The following FCHO2 variants were observed in gnomAD, a reference collection of about 807,000 sequenced individuals.
FCHO2 encodes the protein F-BAR domain only protein 2.
In FCHO2, 43 loss-of-function variants were observed where a neutral mutation model predicts 114.1. The ratio of observed to expected loss-of-function variants is 0.38; its 90% CI spans 0.30 to 0.49. The LOEUF is 0.49. Ranked by LOEUF, FCHO2 falls within the 20% of genes least tolerant of loss-of-function variation. The probability of loss-of-function intolerance (pLI) is 0.97; values close to 1 mark genes in which losing one functional copy is unlikely to be tolerated. For synonymous variants in FCHO2, 293 were observed against 315.2 expected, an observed-to-expected ratio of 0.93 and a Z score of 0.75; for missense variants, 807 against 950.4, an observed-to-expected ratio of 0.85 and a Z score of 1.98.
In FCHO2 at chr5:72,964,416, C is replaced by T. The variant is rs116567978; in HGVS notation, c.34-4082C>T. ...TTTTATTTATTTAGAGACTGAGTTTCGCTGTATTGCTCAGGCTGGAGTGCA... is the reference window on the plus strand; with the variant it reads ...TTTTATTTATTTAGAGACTGAGTTTTGCTGTATTGCTCAGGCTGGAGTGCA... On this transcript the variant is annotated intron_variant, in intron 1 of 25. Transcript: ENST00000430046. Among the ~76,000 whole-genome samples, 684 of 152,190 alleles carry T rather than the reference C, an allele frequency of 4.5e-3. 3 individuals carry two copies. The highest frequency in any genetic ancestry group is 0.016 in the African/African-American group (650 of 41,528).
intron 22 of FCHO2, 78 bp from the exon 23 acceptor site, chr5:73,081,705 G>T (rs892235338): frequency 9.1e-7 from 1 of 1,097,418 alleles, no homozygotes; most frequent in Non-Finnish European, 1.2e-6. Flanking sequence ...GGACTTACAT[G>T]TTCAAGTGTC....
chr5:73,072,526 G>A (rs1179025894), intron 19 of FCHO2, among the ~76,000 whole-genome samples: 1 of 152,072 alleles, frequency 6.6e-6, no homozygotes, highest in Non-Finnish European at 1.5e-5. Flanking sequence ...TGGATGAATG[G>A]ATGAGCAAAA....
At chr5:72,956,197 C>T (rs1256134781) in intron 1 of FCHO2, 68 bp downstream of exon 1, 7 of 1,484,386 alleles carry the variant, frequency 4.7e-6, no homozygotes, top group Non-Finnish European at 6.3e-6. Context: ...GCTTGGCCTG[C>T]GTGCGCTTCG....
intron 17 of FCHO2, among the ~76,000 whole-genome samples, chr5:73,062,687 G>A (rs950963946): frequency 1.3e-5 from 2 of 151,860 alleles, no homozygotes; most frequent in African/African-American, 4.8e-5. Flanking sequence ...TCTTATTATG[G>A]TATGCTTTCT....
At chr5:73,086,666 T>G (rs933500458) in intron 24 of FCHO2, among the ~76,000 whole-genome samples, 2 of 152,264 alleles carry the variant, frequency 1.3e-5, no homozygotes, top group Middle Eastern at 3.4e-3. Flanking sequence ...TCTCCCAACC[T>G]TGCATCTTGT....
In FCHO2 at chr5:73,056,102, C is replaced by A. The variant is rs367716605; in HGVS notation, c.1248C>A (p.Pro416=). Residue 416 remains proline, a synonymous_variant, in exon 16 of 26, where the codon CCC becomes CCA. Transcript: ENST00000430046. The part of the protein sequence containing the change: ...ELTKSKPSAP[P]NEKGTSDLLA... ...CAAAATCAAAGCCATCTGCTCCACC[C>A]AATGAGTAAGTTTCCATGTTTAATT... 46 of 1,527,886 alleles carry A rather than the reference C, an allele frequency of 3.0e-5. No individual in the cohort carries two copies. In the African/African-American group the frequency reaches 5.4e-4, roughly 18 times the overall value. 94.6% of individuals were successfully genotyped at this position (1,527,886 alleles called of 1,614,324 possible). A position where few individuals can be genotyped will look rare whatever the true frequency, so the allele number is the denominator to read the frequency against.
chr5:72,993,880 T>A (rs1753938242), intron 5 of FCHO2, among the ~76,000 whole-genome samples: 2 of 152,188 alleles, frequency 1.3e-5, no homozygotes. Context: ...AAACAAGCAA[T>A]GGGGAAAGGA....
At chr5:72,976,456 G>A (rs905607795) in intron 2 of FCHO2, among the ~76,000 whole-genome samples, 5 of 151,822 alleles carry the variant, frequency 3.3e-5, no homozygotes, top group Non-Finnish European at 7.4e-5. Flanking sequence ...CAGTCCTCCC[G>A]CCACAGTCTC....
chr5:73,067,262 T>C (rs1266858537), intron 18 of FCHO2, among the ~76,000 whole-genome samples: 1 of 152,060 alleles, frequency 6.6e-6, no homozygotes, highest in Non-Finnish European at 1.5e-5. Context: ...GGCCTAGAGG[T>C]TATGTTGCCA....
At chr5:73,032,021 A>T (rs1398140862) in intron 8 of FCHO2, among the ~76,000 whole-genome samples, 1 of 152,262 alleles carries the variant, frequency 6.6e-6, no homozygotes, top group African/African-American at 2.4e-5. Context: ...AATGATGGGC[A>T]GTGGACTGCA....
intron 1 of FCHO2, among the ~76,000 whole-genome samples, chr5:72,967,778 C>T (rs1343654865): frequency 6.6e-6 from 1 of 152,004 alleles, no homozygotes; most frequent in Non-Finnish European, 1.5e-5. Flanking sequence ...TGCCACCATG[C>T]CCGGCTAATT....
In FCHO2 at chr5:73,087,557, C is replaced by T. The variant is rs375280596; in HGVS notation, c.2246-32C>T. The T allele has an allele frequency of 6.6e-5, 106 of 1,607,312 alleles. No individual in the cohort carries two copies. In the African/African-American group the frequency reaches 1.3e-3, roughly 19 times the overall value. ...CTATTTTGTTTGAAATGTATTTTAC[C>T]CTGTGTAAGTGCTTTATTCTTTTCT... is the stretch of plus-strand genomic sequence containing the variant. On this transcript the variant is annotated intron_variant, in intron 24 of 25. Coordinates refer to ENST00000430046, the MANE Select transcript of FCHO2 (RefSeq NM_138782.3).
At chr5:72,961,243 A>G (rs1751844221) in intron 1 of FCHO2, among the ~76,000 whole-genome samples, 1 of 152,158 alleles carries the variant, frequency 6.6e-6, no homozygotes, top group Admixed American at 6.5e-5. Context: ...ATCTAAACTT[A>G]GTATCCTAGA....
At chr5:73,054,131 A>G in intron 13 of FCHO2, 29 bp from the exon 14 acceptor site, 1 of 1,465,776 alleles carries the variant, frequency 6.8e-7, no homozygotes, top group Non-Finnish European at 9.1e-7. Flanking sequence ...ATTCTAACCT[A>G]ATTTTCTTTT....
chr5:73,080,345 AG>A (rs911097595), intron 22 of FCHO2, among the ~76,000 whole-genome samples: 27 of 152,242 alleles, frequency 1.8e-4, no homozygotes, highest in Non-Finnish European at 3.8e-4. Flanking sequence ...AAAACCTCTT[AG>A]AAGGCAATTC....
intron 5 of FCHO2, among the ~76,000 whole-genome samples, chr5:73,006,043 G>A (rs1754696741): frequency 6.6e-6 from 1 of 152,142 alleles, no homozygotes; most frequent in South Asian, 2.1e-4. Context: ...ATTCACAGCT[G>A]CGAAAAGGAG....
intron 1 of FCHO2, among the ~76,000 whole-genome samples, chr5:72,958,519 A>T (rs187918728): frequency 6.6e-6 from 1 of 152,242 alleles, no homozygotes; most frequent in African/African-American, 2.4e-5. Flanking sequence ...TGTATTTTCA[A>T]TTCTATTCCA....
In FCHO2 at chr5:73,041,295, T is replaced by G; in HGVS notation, c.919T>G (p.Cys307Gly). 1 of 1,482,586 alleles carries G rather than the reference T, an allele frequency of 6.7e-7. No individual in the cohort carries two copies. 91.8% of individuals were successfully genotyped at this position (1,482,586 alleles called of 1,614,324 possible). ...KKEKDAESVE[C>G]PDADSLNIPD... ...TCTGATATTTTGTTTTAATAGGGAA[T>G]GTCCTGATGCAGATTCATTGGTAAG... is the stretch of plus-strand genomic sequence containing the variant. The change falls in exon 11 of 26, where the codon TGT becomes GGT. Residue 307 changes from cysteine (C) to glycine (G), a missense_variant. Physicochemically the swap from Cys to Gly is radical, Grantham distance 159. Coordinates refer to ENST00000430046, the MANE Select transcript of FCHO2 (RefSeq NM_138782.3).
intron 8 of FCHO2, among the ~76,000 whole-genome samples, chr5:73,017,925 A>G (rs979713953): frequency 6.6e-6 from 1 of 152,138 alleles, no homozygotes; most frequent in African/African-American, 2.4e-5. Context: ...TTTAATTGGC[A>G]TGTTATGATG....
Sources: gnomAD v4.1 joint callset for allele counts (sites outside exome capture counted in the v4.1 genomes callset) on GRCh38, gnomAD v4.1.1 for gene constraint, MANE v1.5 for transcripts, NCBI Gene and HGNC (gene_info 2026-07-23, HGNC 2026-07-21) for gene names.